MACROD2: variants seen among roughly 807,000 people sequenced by gnomAD.
MACROD2 encodes mono-ADP ribosylhydrolase 2, also known as ADP-ribose glycohydrolase MACROD2.
MACROD2 carries 36 observed loss-of-function variants against 70.4 expected under a neutral mutation model. That is an observed-to-expected ratio of 0.51 (90% confidence interval 0.39 to 0.68). MACROD2 has a LOEUF of 0.68. Among genes scored for constraint, MACROD2 ranks in the 30% least tolerant of loss-of-function variants. MACROD2 has a pLI of 0.00. For synonymous variants in MACROD2, 172 were observed against 178.8 expected (o/e 0.96, Z 0.30); for missense variants, 496 against 538.4 (o/e 0.92, Z 0.78).
In MACROD2 at chr20:15,146,858, G is replaced by A. The variant is rs146980887; in HGVS notation, c.419-83082G>A. 3.2e-3 allele frequency among the ~76,000 whole-genome samples: 494 copies of A among 152,260 alleles called. 3 individuals carry two copies. Among genetic ancestry groups the A allele is most frequent in the Admixed American group, 6.4e-3 (98 of 15,290 alleles). On this transcript the variant is annotated intron_variant, in intron 5 of 17. Coordinates refer to ENST00000684519, the MANE Select transcript of MACROD2 (RefSeq NM_001351661.2). ...GTCTTTGAGAAGACAAGCAAAAAGT[G>A]ATAGTAAGCTGTTCTTTAGCATAGA...
chr20:14,287,116 CTCT>C (rs2082351476), intron 3 of MACROD2, among the ~76,000 whole-genome samples: 1 of 152,158 alleles, frequency 6.6e-6, no homozygotes, highest in Admixed American at 6.5e-5. Context: ...CTATCCTACT[CTCT>C]TCAATTCTTC....
At chr20:14,173,664 T>C (rs934143298) in intron 3 of MACROD2, among the ~76,000 whole-genome samples, 1 of 152,212 alleles carries the variant, frequency 6.6e-6, no homozygotes, top group African/African-American at 2.4e-5. Context: ...GGTGAGCTAG[T>C]GTGGTCTTTT....
In MACROD2 at chr20:15,724,004, A is replaced by T. The variant is rs554981537; in HGVS notation, c.646-138741A>T. Among the ~76,000 whole-genome samples the T allele has an allele frequency of 3.3e-5, 5 of 152,152 alleles. No individual in the cohort carries two copies. In the South Asian group the frequency reaches 1.0e-3, roughly 32 times the overall value. On this transcript the variant is annotated intron_variant, in intron 8 of 17. Coordinates refer to ENST00000684519, the MANE Select transcript of MACROD2 (RefSeq NM_001351661.2). ...AATAGGTGTGTAATGGTATTTCAGG[A>T]TTTTATTTCATATTTACCTGATGCC...
intron 8 of MACROD2, among the ~76,000 whole-genome samples, chr20:15,555,313 T>C (rs1451577617): frequency 6.6e-6 from 1 of 152,190 alleles, no homozygotes; most frequent in Non-Finnish European, 1.5e-5. Flanking sequence ...CATAATGGGA[T>C]TTGAAAGCTG....
At chr20:15,320,581 C>T (rs1393093112) in intron 6 of MACROD2, among the ~76,000 whole-genome samples, 4 of 152,096 alleles carry the variant, frequency 2.6e-5, no homozygotes, top group Non-Finnish European at 5.9e-5. Flanking sequence ...ATAAATATCA[C>T]CACAACAAAT....
chr20:14,272,159 C>A (rs1471483239), intron 3 of MACROD2, among the ~76,000 whole-genome samples: 3 of 151,970 alleles, frequency 2.0e-5, no homozygotes, highest in Non-Finnish European at 4.4e-5. Context: ...CAAAGATACT[C>A]CTCGAGAAGA....
intron 5 of MACROD2, among the ~76,000 whole-genome samples, chr20:15,040,490 C>CTACCAGTGG (rs1306985020): frequency 1.3e-5 from 2 of 152,154 alleles, no homozygotes; most frequent in African/African-American, 4.8e-5. Flanking sequence ...TGTAGAAGGA[C>CTACCAGTGG]TATGTTTCTA....
At chr20:15,345,984 A>G (rs1247370176) in intron 6 of MACROD2, among the ~76,000 whole-genome samples, 1 of 152,210 alleles carries the variant, frequency 6.6e-6, no homozygotes, top group Non-Finnish European at 1.5e-5. Flanking sequence ...ATAGGTGGCC[A>G]CTTATGCAGA....
chr20:14,155,140 A>G (rs1414835527), intron 3 of MACROD2, among the ~76,000 whole-genome samples: 1 of 152,202 alleles, frequency 6.6e-6, no homozygotes, highest in Non-Finnish European at 1.5e-5. Context: ...AAAATAACTG[A>G]TACATGTATA....
intron 5 of MACROD2, among the ~76,000 whole-genome samples, chr20:14,902,903 A>G (rs1022078334): frequency 6.6e-6 from 1 of 152,120 alleles, no homozygotes; most frequent in African/African-American, 2.4e-5. Context: ...AGAGGGTACC[A>G]TGTAGGAAGT....
At chr20:14,752,812 G>T (rs867960480) in intron 5 of MACROD2, among the ~76,000 whole-genome samples, 1 of 152,052 alleles carries the variant, frequency 6.6e-6, no homozygotes, top group Non-Finnish European at 1.5e-5. Flanking sequence ...ATGAGGCCAG[G>T]AAGTAGGAGT....
intron 15 of MACROD2, among the ~76,000 whole-genome samples, chr20:16,005,032 A>G (rs2066769046): frequency 6.6e-6 from 1 of 152,170 alleles, no homozygotes; most frequent in Non-Finnish European, 1.5e-5. Flanking sequence ...TTCTTTCCTT[A>G]TTTTGATGAA....
At chr20:14,884,246 A>G (rs534999858) in intron 5 of MACROD2, 1 of 152,304 alleles carries the variant, frequency 6.6e-6, no homozygotes, top group East Asian at 1.9e-4. Context: ...AACCACCCTA[A>G]AAGTTATTGG....
rs1729639562 is a variant in MACROD2, at chr20:14,862,733, G to A, written c.418+177774G>A. ...TATATATATTTTTTTTTAATAGAGA[G>A]GATGAAGACCAAAGCAGTGAGTTCC... On this transcript the variant is annotated intron_variant, in intron 5 of 17. Coordinates refer to ENST00000684519, the MANE Select transcript of MACROD2 (RefSeq NM_001351661.2). Among the ~76,000 whole-genome samples, 5 of 118,168 alleles carry A rather than the reference G, an allele frequency of 4.2e-5. No homozygotes were observed. The South Asian group carries it at 1.3e-3, about 30-fold the overall frequency. The allele number at this position is 118,168 out of a possible 152,430, so 77.5% of individuals were successfully genotyped here.
intron 5 of MACROD2, among the ~76,000 whole-genome samples, chr20:14,699,751 G>GAACTTTAAATCTAGAAGTTTAAAGTTTA (rs2071170322): frequency 6.6e-6 from 1 of 151,746 alleles, no homozygotes; most frequent in Non-Finnish European, 1.5e-5. Context: ...TTTTATCACA[G>GAACTTTAAATCTAGAAGTTTAAAGTTTA]AACTTTAAAT....
At chr20:14,730,408 A>G (rs542467698) in intron 5 of MACROD2, among the ~76,000 whole-genome samples, 4 of 152,206 alleles carry the variant, frequency 2.6e-5, no homozygotes, top group Non-Finnish European at 2.9e-5. Flanking sequence ...ACTCACCCAC[A>G]TGACCAACAA....
intron 5 of MACROD2, among the ~76,000 whole-genome samples, chr20:15,046,892 C>T (rs1329397488): frequency 3.3e-5 from 5 of 152,188 alleles, no homozygotes; most frequent in African/African-American, 4.8e-5. Context: ...TTAATCTGGG[C>T]TGTTGGTCCT....
intron 8 of MACROD2, among the ~76,000 whole-genome samples, chr20:15,857,401 C>T (rs1206999651): frequency 6.6e-6 from 1 of 152,344 alleles, no homozygotes; most frequent in East Asian, 1.9e-4. Context: ...ATATCTGTCT[C>T]TCACTGATTG....
intron 3 of MACROD2, among the ~76,000 whole-genome samples, chr20:14,170,265 TG>T (rs1170696659): frequency 2.6e-5 from 4 of 152,300 alleles, no homozygotes; most frequent in African/African-American, 9.6e-5. Flanking sequence ...AGGGTTTTCT[TG>T]GTATACAATC....
Sources: gnomAD v4.1 joint callset for allele counts (sites outside exome capture counted in the v4.1 genomes callset) on GRCh38, gnomAD v4.1.1 for gene constraint, MANE v1.5 for transcripts, NCBI Gene and HGNC (gene_info 2026-07-23, HGNC 2026-07-21) for gene names.